Variants in SLC19A3 observed in about 807,000 individuals in gnomAD.
The protein encoded by SLC19A3 is solute carrier family 19 member 3.
SLC19A3 carries 31 observed loss-of-function variants against 40.2 expected under a neutral mutation model. That is an observed-to-expected ratio of 0.77 (90% confidence interval 0.58 to 1.04). The LOEUF (loss-of-function observed/expected upper bound fraction) is 1.04. SLC19A3 is among the 50% of genes least tolerant of loss of function. The pLI, the probability that SLC19A3 is intolerant of heterozygous loss-of-function variation, is 0.00. For synonymous variants in SLC19A3, 212 were observed against 227.5 expected (o/e 0.93, Z 0.61); for missense variants, 592 against 596.7 (o/e 0.99, Z 0.08).
intron 1 of SLC19A3, among the ~76,000 whole-genome samples, chr2:227,715,773 G>T (rs1229058561): frequency 4.6e-5 from 7 of 151,618 alleles, no homozygotes; most frequent in Admixed American, 4.6e-4. Context: ...AAAATAGCGA[G>T]ACCTCACCTC....
chr2:227,702,394 G>T, intron 1 of SLC19A3, 74 bp from the exon 2 acceptor site: 2 of 1,379,086 alleles, frequency 1.5e-6, no homozygotes, highest in Non-Finnish European at 2.0e-6. Flanking sequence ...ATGAAAACCT[G>T]ATTTTTTTTT....
At chr2:227,715,904 C>A (rs1426664732) in intron 1 of SLC19A3, among the ~76,000 whole-genome samples, 2 of 142,714 alleles carry the variant, frequency 1.4e-5, no homozygotes, top group Admixed American at 1.5e-4. Context: ...GAGCCGAGAT[C>A]CCAGCCACTG....
rs199595401 is a variant in SLC19A3 at position 227,688,027 on chromosome 2, G to A, written c.1314+139C>T. ...AATTATTGCTCAAAACCTACTTGGT[G>A]TGTTATAATATGATAATGAAGGAAT... On this transcript the variant is annotated intron_variant, in intron 5 of 5. Transcript: ENST00000644224. 2.2e-4 allele frequency: 203 copies of A among 933,722 alleles called. No individual in the cohort carries two copies. The East Asian group carries it at 4.7e-3, about 21-fold the overall frequency. The allele number at this position is 933,722 out of a possible 1,614,324, so 57.8% of individuals were successfully genotyped here. A position where few individuals can be genotyped will look rare whatever the true frequency, so the allele number is the denominator to read the frequency against.
chr2:227,687,015 GGT>G lies in SLC19A3; in HGVS notation c.*380_*381del, dbSNP rs1473400160. On this transcript the variant is annotated 3_prime_UTR_variant, in exon 6 of 6. Transcript: ENST00000644224. ...AATAAGTATTTAAGCCTAGCAATAG[GGT>G]CAGTCCAGTTAGTATTTCTCCTCAC... 2 of 174,364 alleles carry G rather than the reference GGT, an allele frequency of 1.1e-5. No homozygotes were observed. The highest frequency in any genetic ancestry group is 4.8e-5 in the African/African-American group (2 of 41,828). The allele number at this position is 174,364 out of a possible 1,614,324, so 10.8% of individuals were successfully genotyped here. A position where few individuals can be genotyped will look rare whatever the true frequency, so the allele number is the denominator to read the frequency against.
chr2:227,699,198 T>C lies in SLC19A3; in HGVS notation c.517A>G (p.Asn173Asp). Reference protein sequence around the residue: ...SLANMSYFYLNVISLASVSVA... With the variant: ...SLANMSYFYLDVISLASVSVA... Reference sequence around the variant, plus strand: ...GAGACAGAGGCCAAGGATATGACGTTGAGGTAAAAGTACGACATGTTCGCC... The same window carrying C: ...GAGACAGAGGCCAAGGATATGACGTCGAGGTAAAAGTACGACATGTTCGCC... Residue 173 changes from asparagine to aspartate, a missense_variant, in exon 3 of 6, where the codon AAC becomes GAC. Asn to Asp is a conservative substitution (Grantham distance 23). Transcript: ENST00000644224. 1.2e-6 allele frequency: 2 copies of C among 1,614,048 alleles called. No homozygotes were observed. Among genetic ancestry groups the C allele is most frequent in the South Asian group, 2.2e-5 (2 of 91,060 alleles).
chr2:227,699,064 T>C lies in SLC19A3; in HGVS notation c.651A>G (p.Leu217=). The C allele has an allele frequency of 6.2e-7, 1 of 1,614,214 alleles. No homozygotes were observed. The highest frequency in any genetic ancestry group is 1.1e-5 in the South Asian group (1 of 91,080). ...GTGCTTCACCTTCGTGAGTTTCCTC[T>C]AATACTGGATTCACGCTTGATGACT... The part of the protein sequence containing the change: ...IKKSSSVNPV[L]EETHEGEAPG... The change falls in exon 3 of 6, where the codon TTA becomes TTG. Residue 217 remains leucine, a synonymous_variant. Coordinates refer to ENST00000644224, the MANE Select transcript of SLC19A3 (RefSeq NM_025243.4).
intron 1 of SLC19A3, among the ~76,000 whole-genome samples, chr2:227,717,422 T>C (rs1696371269): frequency 6.6e-6 from 1 of 152,218 alleles, no homozygotes; most frequent in East Asian, 1.9e-4. Context: ...TGTCACACTA[T>C]TTATTATTTG....
At position 227,698,738 on chromosome 2, in the gene SLC19A3, C is replaced by A. The variant is rs747823282; in HGVS notation, c.977G>T (p.Gly326Val). Residue 326 changes from glycine to valine, a missense_variant and splice_region_variant, in exon 3 of 6, where the codon GGA becomes GTA. Physicochemically the swap from Gly to Val is moderately radical, Grantham distance 109 (BLOSUM62 -3). Coordinates refer to ENST00000644224, the MANE Select transcript of SLC19A3 (RefSeq NM_025243.4). ...NGAVEAIATF[G>V]GAVAAFAVGY... The stretch of plus-strand genomic sequence containing the variant: ...AAGATTAAGTGACATTTGCTTACCT[C>A]CAAAGGTTGCAATAGCTTCTACGGC... The A allele has an allele frequency of 4.0e-5, 65 of 1,612,890 alleles. No individual in the cohort carries two copies. The Middle Eastern group carries it at 8.7e-4, about 22-fold the overall frequency.
chr2:227,684,596 T>A lies in SLC19A3; in HGVS notation c.*2801A>T, dbSNP rs1362265555. ...TGTTGGGATTACAGGCGTGAGCCAC[T>A]GCACCTGGCCTCCTTTCCAATTTCT... is the stretch of plus-strand genomic sequence containing the variant. On this transcript the variant is annotated 3_prime_UTR_variant, in exon 6 of 6. Transcript: ENST00000644224. 6.6e-6 allele frequency: 1 copy of A among 152,532 alleles called. No individual in the cohort carries two copies. The highest frequency in any genetic ancestry group is 1.5e-5 in the Non-Finnish European group (1 of 68,358). 9.4% of individuals were successfully genotyped at this position (152,532 alleles called of 1,614,324 possible).
rs201603239 is a variant in SLC19A3 at position 227,702,219 on chromosome 2, A to C, written c.100T>G (p.Phe34Val). 18 of 1,613,934 alleles carry C rather than the reference A, an allele frequency of 1.1e-5. No individual in the cohort carries two copies. Among genetic ancestry groups the C allele is most frequent in the Non-Finnish European group, 1.4e-5 (17 of 1,179,822 alleles). The change falls in exon 2 of 6, where the codon TTC (phenylalanine) becomes GTC (valine). Residue 34 changes from phenylalanine to valine, a missense_variant. Phe to Val is a conservative substitution (Grantham distance 50, BLOSUM62 -1). Coordinates refer to ENST00000644224, the MANE Select transcript of SLC19A3 (RefSeq NM_025243.4). ...FFSMMRPSEP[F>V]LIPYLSGPDK... ...GGTCCAGATAAATATGGGATAAGGAATGGTTCTGAGGGTCTCATCATGGAG... is the reference window on the plus strand; with the variant it reads ...GGTCCAGATAAATATGGGATAAGGACTGGTTCTGAGGGTCTCATCATGGAG...
At chr2:227,702,667 G>A (rs1695750252) in intron 1 of SLC19A3, 2 of 285,674 alleles carry the variant, frequency 7.0e-6, no homozygotes, top group Admixed American at 4.9e-5. Context: ...TAGACATAAA[G>A]CCCAATAGAG....
At chr2:227,715,951 CAAAAAAAAAAAAA>C (rs34546970) in intron 1 of SLC19A3, among the ~76,000 whole-genome samples, 1 of 87,160 alleles carries the variant, frequency 1.1e-5, no homozygotes, top group African/African-American at 4.7e-5. Context: ...GACTCCGTCT[CAAAAAAAAAAAAA>C]AAAAAAAAAA....
At chr2:227,702,006 G>A (rs1695713826) in intron 2 of SLC19A3, 163 bp downstream of exon 2, 1 of 646,642 alleles carries the variant, frequency 1.5e-6, no homozygotes, top group South Asian at 1.9e-5. Flanking sequence ...AGTAAGAAGA[G>A]GAAATAGTTT....
At chr2:227,705,799 C>T (rs62191382) in intron 1 of SLC19A3, among the ~76,000 whole-genome samples, 26,611 of 152,008 alleles carry the variant, frequency 0.18, 2,851 homozygotes, top group African/African-American at 0.29. Flanking sequence ...TGCAGCAAAC[C>T]ACCATGGCAA....
At chr2:227,700,964 A>G in intron 2 of SLC19A3, 1 of 1,304,018 alleles carries the variant, frequency 7.7e-7, no homozygotes, top group Non-Finnish European at 1.0e-6. Flanking sequence ...GCCACAGAGC[A>G]AAGACCACAC....
At position 227,699,267 on chromosome 2, in the gene SLC19A3, C is replaced by A. The variant is rs117013375; in HGVS notation, c.448G>T (p.Ala150Ser). ...SGYCRSVTLA[A>S]YTAGSVLAQL... ...GCCAGCACCGACCCTGCTGTGTAGG[C>A]GGCCAGCGTGACGCTCCTGCAGTAG... is the stretch of plus-strand genomic sequence containing the variant. Residue 150 changes from alanine (A) to serine (S), a missense_variant, in exon 3 of 6, where the codon GCC (alanine) becomes TCC (serine). Physicochemically the swap from Ala to Ser is moderately conservative, Grantham distance 99. Coordinates refer to ENST00000644224, the MANE Select transcript of SLC19A3 (RefSeq NM_025243.4). 1.2e-6 allele frequency: 2 copies of A among 1,614,048 alleles called. No individual in the cohort carries two copies. Among genetic ancestry groups the A allele is most frequent in the African/African-American group, 1.3e-5 (1 of 75,044 alleles).
At position 227,698,835 on chromosome 2, in the gene SLC19A3, G is replaced by A; in HGVS notation, c.880C>T (p.Gln294Ter). The A allele has an allele frequency of 6.2e-7, 1 of 1,614,188 alleles. No homozygotes were observed. Among genetic ancestry groups the A allele is most frequent in the Non-Finnish European group, 8.5e-7 (1 of 1,180,030 alleles). ...AGGATTTGAACATAGTTCAAAACCT[G>A]GTTAAAACCTGCTGTGGCGAAAGCC... is the stretch of plus-strand genomic sequence containing the variant. The part of the protein sequence containing the change: ...WWAFATAGFN[Q>*]VLNYVQILWD... The change falls in exon 3 of 6, where the codon CAG (glutamine) becomes TAG (stop). Residue 294 changes from glutamine to a stop codon, truncating the protein, a stop_gained. Transcript: ENST00000644224. LOFTEE classifies it high-confidence loss of function.
chr2:227,708,053 C>T (rs1449426928), intron 1 of SLC19A3, among the ~76,000 whole-genome samples: 2 of 152,184 alleles, frequency 1.3e-5, no homozygotes, highest in African/African-American at 4.8e-5. Flanking sequence ...GAGCCCATTG[C>T]CATGTATTCC....
At chr2:227,698,656 C>A in intron 3 of SLC19A3, 80 bp downstream of exon 3, 2 of 1,241,390 alleles carry the variant, frequency 1.6e-6, no homozygotes, top group Non-Finnish European at 1.2e-6. Context: ...AGCTAATTCG[C>A]TGCCATGAAG....
Sources: allele counts gnomAD v4.1 joint callset (sites outside exome capture counted in the v4.1 genomes callset), GRCh38; gene constraint gnomAD v4.1.1; transcripts MANE v1.5; gene names NCBI Gene and HGNC (gene_info 2026-07-23, HGNC 2026-07-21).